The following RAPGEF6 variants were observed in gnomAD, a reference collection of about 807,000 sequenced individuals.
RAPGEF6 encodes the protein Rap guanine nucleotide exchange factor 6, also known as PDZ domain containing guanine nucleotide exchange factor (GEF) 2.
Under a neutral mutation model 171.4 loss-of-function variants are expected in RAPGEF6, and 56 were observed. The ratio of observed to expected loss-of-function variants is 0.33; its 90% confidence interval spans 0.26 to 0.41. The LOEUF is 0.41. Among genes scored for constraint, RAPGEF6 ranks in the 10% least tolerant of loss-of-function variants. RAPGEF6 has a pLI of 1.00. For missense variants in RAPGEF6, 1,674 were observed against 1,921.4 expected, an observed-to-expected ratio of 0.87 and a Z score of 2.41; for synonymous variants, 692 against 650.1, an observed-to-expected ratio of 1.06 and a Z score of -0.98.
chr5:131,530,532 AT>A (rs1345019162), intron 6 of RAPGEF6, among the ~76,000 whole-genome samples: 3 of 152,234 alleles, frequency 2.0e-5, no homozygotes, highest in African/African-American at 7.2e-5. Flanking sequence ...GAAAAGAAGT[AT>A]AACAAAATTC....
intron 20 of RAPGEF6, among the ~76,000 whole-genome samples, chr5:131,455,184 T>C (rs1429266044): frequency 2.0e-5 from 3 of 152,240 alleles, no homozygotes; most frequent in Admixed American, 6.5e-5. Flanking sequence ...GGTTAAATAC[T>C]GACTTTATTA....
At chr5:131,528,114 CAT>C (rs1368714933) in intron 6 of RAPGEF6, among the ~76,000 whole-genome samples, 19 of 113,560 alleles carry the variant, frequency 1.7e-4, no homozygotes, top group Admixed American at 3.2e-4. Flanking sequence ...TATTATATAT[CAT>C]ATAAAATATA....
intron 1 of RAPGEF6, among the ~76,000 whole-genome samples, chr5:131,610,564 G>A (rs1764876995): frequency 6.6e-6 from 1 of 152,160 alleles, no homozygotes; most frequent in Non-Finnish European, 1.5e-5. Context: ...TGAGAAGAAT[G>A]ATTACCAAGG....
intron 2 of RAPGEF6, 130 bp from the exon 3 acceptor site, chr5:131,603,457 T>C (rs1764373640): frequency 1.6e-6 from 1 of 610,362 alleles, no homozygotes; most frequent in Admixed American, 3.3e-5. Context: ...ATGTTGTCAC[T>C]AAACTACAGA....
Position 131,615,130 on chromosome 5 carries a change from G to A in RAPGEF6, c.70-10437C>T, listed in dbSNP as rs77459400. 8.4e-3 allele frequency among the ~76,000 whole-genome samples: 1,282 copies of A among 152,288 alleles called. 24 individuals are homozygous for A. Among genetic ancestry groups the A allele is most frequent in the African/African-American group, 0.029 (1,195 of 41,556 alleles). ...TTTGAGAACCACTGTTTATAAGTGGGATCTATGTCACTCTGGATTGTCTGA... is the reference window on the plus strand; with the variant it reads ...TTTGAGAACCACTGTTTATAAGTGGAATCTATGTCACTCTGGATTGTCTGA... On this transcript the variant is annotated intron_variant, in intron 1 of 27. Transcript: ENST00000509018.
intron 1 of RAPGEF6, 109 bp downstream of exon 1, chr5:131,634,853 G>C (rs1308585833): frequency 8.0e-7 from 1 of 1,247,402 alleles, no homozygotes; most frequent in African/African-American, 1.5e-5. Context: ...CAGATTCCCA[G>C]TAGCAGGTGC....
At chr5:131,515,951 A>G (rs1233523912) in intron 7 of RAPGEF6, among the ~76,000 whole-genome samples, 1 of 152,154 alleles carries the variant, frequency 6.6e-6, no homozygotes, top group African/African-American at 2.4e-5. Flanking sequence ...TAAATACAAG[A>G]GTAATTAAAA....
chr5:131,514,885 C>T (rs1757976006), intron 7 of RAPGEF6, among the ~76,000 whole-genome samples: 1 of 151,952 alleles, frequency 6.6e-6, no homozygotes, highest in African/African-American at 2.4e-5. Context: ...CATATCAGAC[C>T]CTTAATTATG....
rs546083500 is a variant in RAPGEF6, at chr5:131,590,081, G to C, written c.281+2302C>G. ...TATCCTTCTTAGTAGCTAATCCCTT[G>C]AACTAGTTTAATTTTAAAATTAAAC... On this transcript the variant is annotated intron_variant, in intron 4 of 27. Transcript: ENST00000509018. Among the ~76,000 whole-genome samples, 23 of 152,260 alleles carry C rather than the reference G, an allele frequency of 1.5e-4. No individual in the cohort carries two copies. In the East Asian group the frequency reaches 1.7e-3, roughly 11 times the overall value.
intron 6 of RAPGEF6, among the ~76,000 whole-genome samples, chr5:131,528,313 T>TTATATA (rs71590767): frequency 1.5e-3 from 73 of 48,828 alleles, no homozygotes; most frequent in African/African-American, 4.9e-3. Flanking sequence ...TATATTTATA[T>TTATATA]TATATATATA....
Position 131,442,366 on chromosome 5 carries a change from G to A in RAPGEF6, c.3593C>T (p.Thr1198Ile). 1 of 1,613,930 alleles carries A rather than the reference G, an allele frequency of 6.2e-7. No homozygotes were observed. Among genetic ancestry groups the A allele is most frequent in the Non-Finnish European group, 8.5e-7 (1 of 1,179,892 alleles). Residue 1198 changes from threonine (T) to isoleucine (I), a missense_variant, in exon 23 of 28, where the codon ACA becomes ATA. Thr to Ile is a moderately conservative substitution (Grantham distance 89). This residue lies in a region of RAPGEF6 where 552 missense variants were observed against 574.2 expected (regional missense o/e 0.96). Transcript: ENST00000509018. ...NLHPIRKKGQTKDPALNTSLP... is the reference protein window; with the variant it reads ...NLHPIRKKGQIKDPALNTSLP... ...ATACTCACTCAGTGCAGGGTCTTTT[G>A]TTTGTCCCTTCTTCCTGATGGGGTG...
At chr5:131,627,837 G>T (rs746610508) in intron 1 of RAPGEF6, among the ~76,000 whole-genome samples, 2 of 152,106 alleles carry the variant, frequency 1.3e-5, no homozygotes, top group Non-Finnish European at 2.9e-5. Context: ...TCACATTTTG[G>T]TAATTCTCAC....
intron 21 of RAPGEF6, chr5:131,449,920 A>C: frequency 7.9e-7 from 1 of 1,265,590 alleles, no homozygotes; most frequent in South Asian, 1.3e-5. Context: ...GACAGGGTTA[A>C]TAGAATTCAT....
intron 2 of RAPGEF6, among the ~76,000 whole-genome samples, chr5:131,604,081 T>C (rs993117888): frequency 7.2e-5 from 11 of 152,054 alleles, no homozygotes; most frequent in African/African-American, 2.4e-4. Context: ...TCAGAAAGTT[T>C]ATGGGTTTTC....
chr5:131,542,492 C>T (rs1238602484), intron 6 of RAPGEF6, among the ~76,000 whole-genome samples: 1 of 152,146 alleles, frequency 6.6e-6, no homozygotes, highest in African/African-American at 2.4e-5. Flanking sequence ...CTCTTATTTT[C>T]TTTGGCAGGC....
At chr5:131,593,686 T>G (rs768252420) in intron 3 of RAPGEF6, among the ~76,000 whole-genome samples, 1 of 152,242 alleles carries the variant, frequency 6.6e-6, no homozygotes, top group Non-Finnish European at 1.5e-5. Flanking sequence ...ACTCTTGCTA[T>G]GCTTTAGCAA....
chr5:131,560,974 C>A (rs1761561081), intron 5 of RAPGEF6, among the ~76,000 whole-genome samples: 1 of 152,200 alleles, frequency 6.6e-6, no homozygotes, highest in African/African-American at 2.4e-5. Context: ...CTCTTCTTGA[C>A]AGTTCAAATC....
In RAPGEF6 at chr5:131,427,090, A is replaced by G. The variant is rs1751426754; in HGVS notation, c.*176T>C. ...CTCAGGAAACTATTTATCTGCAGAA[A>G]TTAAATGAAAGGAAGCATAACTCAG... On this transcript the variant is annotated 3_prime_UTR_variant, in exon 28 of 28. Transcript: ENST00000509018. The G allele has an allele frequency of 1.5e-6, 1 of 685,218 alleles. No homozygotes were observed. The highest frequency in any genetic ancestry group is 2.6e-6 in the Non-Finnish European group (1 of 388,280). 42.4% of individuals were successfully genotyped at this position (685,218 alleles called of 1,614,324 possible). A position where few individuals can be genotyped will look rare whatever the true frequency, so the allele number is the denominator to read the frequency against.
intron 19 of RAPGEF6, among the ~76,000 whole-genome samples, chr5:131,459,191 A>C (rs1370673085): frequency 6.6e-6 from 1 of 152,238 alleles, no homozygotes; most frequent in African/African-American, 2.4e-5. Context: ...TTCAGTACAT[A>C]ATAGATGGCA....
Sources: gnomAD v4.1 joint callset for allele counts (sites outside exome capture counted in the v4.1 genomes callset) on GRCh38, gnomAD v4.1.1 for gene constraint, gnomAD v4.1.1 regional missense constraint, MANE v1.5 for transcripts, NCBI Gene and HGNC (gene_info 2026-07-23, HGNC 2026-07-21) for gene names.